The following EPRS1 variants were observed in gnomAD, a reference collection of about 807,000 sequenced individuals.
EPRS1 encodes glutamyl-prolyl-tRNA synthetase 1.
In EPRS1, 107 loss-of-function variants were observed where a neutral mutation model predicts 188.3. The observed-to-expected ratio is 0.57, with a 90% CI of 0.49 to 0.67. The LOEUF (loss-of-function observed/expected upper bound fraction) is 0.67. Among genes scored for constraint, EPRS1 ranks in the 30% least tolerant of loss-of-function variants. The probability of loss-of-function intolerance (pLI) is 0.00; values close to 1 mark genes in which losing one functional copy is unlikely to be tolerated. For synonymous variants in EPRS1, 596 were observed against 593.1 expected (o/e 1.00, Z -0.07); for missense variants, 1,577 against 1,802.2 (o/e 0.88, Z 2.26).
rs80164300 is a variant in EPRS1 at position 220,034,543 on chromosome 1, G to A, written c.231+371C>T. On this transcript the variant is annotated intron_variant, in intron 3 of 31. Transcript: ENST00000366923. The stretch of plus-strand genomic sequence containing the variant: ...AAAGAAAATGGGATCCAAACTATGC[G>A]TGTTACCCTGTTCAAACTTAACTTT... Among the ~76,000 whole-genome samples the A allele has an allele frequency of 5.4e-3, 820 of 152,214 alleles. 7 individuals are homozygous for A. Among genetic ancestry groups the A allele is most frequent in the African/African-American group, 0.019 (793 of 41,522 alleles).
chr1:219,987,252 A>G lies in EPRS1; in HGVS notation c.2928T>C (p.Asn976=), dbSNP rs1174397628. The G allele has an allele frequency of 3.7e-6, 6 of 1,614,006 alleles. No homozygotes were observed. In the East Asian group the frequency reaches 1.3e-4, roughly 36 times the overall value. The change falls in exon 20 of 32, where the codon AAT becomes AAC. Residue 976 remains asparagine (N), a synonymous_variant. Coordinates refer to ENST00000366923, the MANE Select transcript of EPRS1 (RefSeq NM_004446.3). ...KEKENKSEKQ[N]KPQKQNDGQR... The stretch of plus-strand genomic sequence containing the variant: ...GGCCATCATTTTGTTTCTGAGGCTT[A>G]TTCTGCTTTTCAGATTTATTTTCTT...
In EPRS1 at chr1:220,024,456, C is replaced by T; in HGVS notation, c.751G>A (p.Val251Ile). ...AACATTGCAACATCTTCCAAGATAA[C>T]CTGTAGTAAGAAACCAAAATAACCA... ...PEKEKEDFEK[V>I]ILEDVAMLHI... The change falls in exon 8 of 32, where the codon GTT (valine) becomes ATT (isoleucine). Residue 251 changes from valine to isoleucine, a missense_variant and splice_region_variant. Coordinates refer to ENST00000366923, the MANE Select transcript of EPRS1 (RefSeq NM_004446.3). The T allele has an allele frequency of 6.3e-7, 1 of 1,591,698 alleles. No homozygotes were observed. Among genetic ancestry groups the T allele is most frequent in the South Asian group, 1.2e-5 (1 of 86,948 alleles).
chr1:219,984,620 G>C (rs891720247), intron 20 of EPRS1, among the ~76,000 whole-genome samples: 1 of 152,066 alleles, frequency 6.6e-6, no homozygotes, highest in Non-Finnish European at 1.5e-5. Context: ...GCAGGGTCTC[G>C]CTATGTTGCC....
chr1:219,994,105 G>T (rs762302417), intron 18 of EPRS1, among the ~76,000 whole-genome samples: 1 of 152,068 alleles, frequency 6.6e-6, no homozygotes, highest in Non-Finnish European at 1.5e-5. Flanking sequence ...TCATCATAAC[G>T]TTTTAGAGAA....
intron 11 of EPRS1, among the ~76,000 whole-genome samples, 166 bp from the exon 12 acceptor site, chr1:220,018,674 C>T (rs1483568725): frequency 6.6e-6 from 1 of 151,218 alleles, no homozygotes; most frequent in African/African-American, 2.4e-5. Flanking sequence ...AATTTGGTTA[C>T]CCTTAACAGT....
At position 220,018,288 on chromosome 1, in the gene EPRS1, C is replaced by T. The variant is rs1341018513; in HGVS notation, c.1494+161G>A. 39 of 882,014 alleles carry T rather than the reference C, an allele frequency of 4.4e-5. No individual in the cohort carries two copies. In the East Asian group the frequency reaches 9.4e-4, roughly 21 times the overall value. The allele number at this position is 882,014 out of a possible 1,614,324, so 54.6% of individuals were successfully genotyped here. On this transcript the variant is annotated intron_variant, in intron 12 of 31. Transcript: ENST00000366923. Reference sequence around the variant, plus strand: ...GTTAATAGGCTTAATTAATGCTCTTCGTGTATTTAAAAAAGGAAAACATTC... The same window carrying T: ...GTTAATAGGCTTAATTAATGCTCTTTGTGTATTTAAAAAAGGAAAACATTC...
At chr1:219,980,931 G>T in intron 24 of EPRS1, 74 bp from the exon 25 acceptor site, 1 of 953,268 alleles carries the variant, frequency 1.0e-6, no homozygotes, top group Non-Finnish European at 1.7e-6. Context: ...ACAGGGTCTT[G>T]CTCTGTCCCC....
chr1:219,980,222 A>C lies in EPRS1; in HGVS notation c.3574T>G (p.Leu1192Val), dbSNP rs1401258884. 1 of 1,612,318 alleles carries C rather than the reference A, an allele frequency of 6.2e-7. No homozygotes were observed. Among genetic ancestry groups the C allele is most frequent in the East Asian group, 2.2e-5 (1 of 44,830 alleles). Reference sequence around the variant, plus strand: ...AGTTCTTCATATACCTGAGCATATAAGTCAAGTATCTGCAAGACCTGTAAC... The same window carrying C: ...AGTTCTTCATATACCTGAGCATATACGTCAAGTATCTGCAAGACCTGTAAC... Reference protein sequence around the residue: ...AAEEVLQILDLYAQVYEELLA... With the variant: ...AAEEVLQILDVYAQVYEELLA... The change falls in exon 26 of 32, where the codon TTA (leucine) becomes GTA (valine). Residue 1192 changes from leucine to valine, a missense_variant. Physicochemically the swap from Leu to Val is conservative, Grantham distance 32 (BLOSUM62 1). Coordinates refer to ENST00000366923, the MANE Select transcript of EPRS1 (RefSeq NM_004446.3).
intron 6 of EPRS1, 87 bp downstream of exon 6, chr1:220,030,299 C>T: frequency 2.5e-6 from 2 of 803,122 alleles, no homozygotes; most frequent in Non-Finnish European, 2.1e-6. Flanking sequence ...ATATTATTAA[C>T]CTATTAATAC....
chr1:220,023,394 C>T (rs1416830517), intron 8 of EPRS1, among the ~76,000 whole-genome samples: 2 of 152,176 alleles, frequency 1.3e-5, no homozygotes, highest in Admixed American at 6.6e-5. Context: ...TTTTAATTTA[C>T]TAATACTTCC....
chr1:220,027,825 A>G (rs1316802196), intron 6 of EPRS1, among the ~76,000 whole-genome samples: 1 of 151,880 alleles, frequency 6.6e-6, no homozygotes, highest in Non-Finnish European at 1.5e-5. Context: ...TCTACTAAAA[A>G]TACAAAAAAT....
At chr1:220,022,216 C>T in intron 9 of EPRS1, 131 bp downstream of exon 9, 2 of 735,800 alleles carry the variant, frequency 2.7e-6, no homozygotes, top group Non-Finnish European at 4.5e-6. Flanking sequence ...TTACAGAAGG[C>T]CACCAGCCAG....
chr1:219,995,820 G>C (rs560140420), intron 18 of EPRS1, among the ~76,000 whole-genome samples: 1 of 152,232 alleles, frequency 6.6e-6, no homozygotes, highest in African/African-American at 2.4e-5. Context: ...TTTCATGTCA[G>C]ATGCCAGCAA....
intron 16 of EPRS1, among the ~76,000 whole-genome samples, chr1:220,003,604 C>G (rs1661401855): frequency 6.6e-6 from 1 of 152,182 alleles, no homozygotes; most frequent in South Asian, 2.1e-4. Context: ...CCCAACTTCA[C>G]TCTTTCATGT....
chr1:220,046,254 T>A, intron 1 of EPRS1, 89 bp downstream of exon 1: 2 of 1,531,510 alleles, frequency 1.3e-6, no homozygotes, highest in Non-Finnish European at 1.8e-6. Context: ...TGACCACCAC[T>A]GCGCAAAGCC....
chr1:220,011,933 T>A (rs1269404538), intron 12 of EPRS1, among the ~76,000 whole-genome samples: 1 of 152,190 alleles, frequency 6.6e-6, no homozygotes, highest in Admixed American at 6.5e-5. Flanking sequence ...TTTTTTCTCA[T>A]TAGAAGAATG....
chr1:219,983,463 A>G, intron 21 of EPRS1, 65 bp from the exon 22 acceptor site: 1 of 1,167,728 alleles, frequency 8.6e-7, no homozygotes, highest in Non-Finnish European at 1.2e-6. Context: ...AAGTGGCAAG[A>G]GTATGATAAC....
chr1:220,001,185 T>A lies in EPRS1; in HGVS notation c.2134A>T (p.Thr712Ser), dbSNP rs768975821. The change falls in exon 17 of 32, where the codon ACA becomes TCA. Residue 712 changes from threonine to serine, a missense_variant. By Grantham distance (58) the Thr-to-Ser change is moderately conservative. This residue lies in a region of EPRS1 where 1,278 missense variants were observed against 1,457.4 expected (regional missense o/e 0.88). Transcript: ENST00000366923. The stretch of plus-strand genomic sequence containing the variant: ...TTGGTCTTTTCCTTTGACCCTGATG[T>A]TGGCATTTCCTTTGTGTGCCCATCA... Reference protein sequence around the residue: ...IPDGHTKEMPTSGSKEKTKVE... With the variant: ...IPDGHTKEMPSSGSKEKTKVE... 3.1e-6 allele frequency: 5 copies of A among 1,614,040 alleles called. No individual in the cohort carries two copies. The South Asian group carries it at 5.5e-5, about 18-fold the overall frequency.
chr1:220,045,019 T>C (rs1308545698), intron 1 of EPRS1, among the ~76,000 whole-genome samples: 1 of 152,332 alleles, frequency 6.6e-6, no homozygotes, highest in South Asian at 2.1e-4. Flanking sequence ...GCCAAAACAT[T>C]ACCATCTTTT....
Sources: allele counts gnomAD v4.1 joint callset (sites outside exome capture counted in the v4.1 genomes callset), GRCh38; gene constraint gnomAD v4.1.1; regional missense constraint gnomAD v4.1.1; transcripts MANE v1.5; gene names NCBI Gene and HGNC (gene_info 2026-07-23, HGNC 2026-07-21).